The following AFG2A variants were observed in gnomAD, a reference collection of about 807,000 sequenced individuals.
AFG2A encodes the protein ATPase family gene 2 protein homolog A.
the AFG2A span, among the ~76,000 whole-genome samples, chr4:123,010,478 G>A: frequency 6.6e-6 from 1 of 152,090 alleles, no homozygotes; most frequent in Non-Finnish European, 1.5e-5. Context: ...CTTAGAGCCA[G>A]GCCAAGCATT....
the AFG2A span, among the ~76,000 whole-genome samples, chr4:123,113,327 A>T: frequency 6.6e-6 from 1 of 152,164 alleles, no homozygotes; most frequent in East Asian, 1.9e-4. Flanking sequence ...TGCTAATAGG[A>T]TAGGAGAAAA....
the AFG2A span, among the ~76,000 whole-genome samples, chr4:122,980,645 C>A: frequency 5.3e-5 from 8 of 152,192 alleles, no homozygotes; most frequent in Non-Finnish European, 8.8e-5. Context: ...TTCTCCATAT[C>A]CTTGGCAACA....
chr4:123,079,002 G>A, the AFG2A span, among the ~76,000 whole-genome samples: 1 of 152,134 alleles, frequency 6.6e-6, no homozygotes, highest in Non-Finnish European at 1.5e-5. Context: ...CATTGTTTGA[G>A]AAGTTATGTT....
the AFG2A span, among the ~76,000 whole-genome samples, chr4:123,113,665 C>T: frequency 2.0e-5 from 3 of 152,178 alleles, no homozygotes; most frequent in African/African-American, 7.2e-5. Context: ...AGCCCTTCCC[C>T]AAGGTTGGGC....
chr4:123,284,731 A>G, the AFG2A span, among the ~76,000 whole-genome samples: 151 of 152,200 alleles, frequency 9.9e-4, no homozygotes, highest in Non-Finnish European at 1.9e-3. Flanking sequence ...TATAGTTGCA[A>G]TTGTTGGGGG....
At chr4:123,082,040 CAT>C in the AFG2A span, among the ~76,000 whole-genome samples, 293 of 152,294 alleles carry the variant, frequency 1.9e-3, no homozygotes, top group African/African-American at 6.6e-3. Flanking sequence ...GTCTTTATCA[CAT>C]GTGTCTTTCG....
At chr4:123,163,771 C>A in the AFG2A span, among the ~76,000 whole-genome samples, 3 of 152,174 alleles carry the variant, frequency 2.0e-5, no homozygotes, top group East Asian at 3.9e-4. Flanking sequence ...TGAAAGGAAA[C>A]TTCTGAGTTT....
At chr4:123,255,961 G>A in the AFG2A span, 2 of 1,598,338 alleles carry the variant, frequency 1.3e-6, no homozygotes, top group South Asian at 1.1e-5. Context: ...GTATCTTTGA[G>A]ATGGAATGTC....
At chr4:123,236,405 G>A in the AFG2A span, among the ~76,000 whole-genome samples, 7 of 152,020 alleles carry the variant, frequency 4.6e-5, no homozygotes, top group Non-Finnish European at 8.8e-5. Flanking sequence ...GTTTTTTAAC[G>A]CTTGAAATAG....
chr4:123,037,160 G>GA, the AFG2A span, among the ~76,000 whole-genome samples: 50 of 152,048 alleles, frequency 3.3e-4, no homozygotes, highest in East Asian at 9.5e-3. Context: ...TGGGAGGACT[G>GA]AAAAAAACCC....
the AFG2A span, among the ~76,000 whole-genome samples, chr4:123,051,553 A>G: frequency 6.6e-6 from 1 of 151,850 alleles, no homozygotes; most frequent in Admixed American, 6.6e-5. Context: ...TAGTATAACA[A>G]TAACGTTAAT....
the AFG2A span, among the ~76,000 whole-genome samples, chr4:123,307,755 A>G: frequency 6.6e-6 from 1 of 152,236 alleles, no homozygotes; most frequent in Non-Finnish European, 1.5e-5. Context: ...TGGTCCCATA[A>G]GATTACAATA....
the AFG2A span, among the ~76,000 whole-genome samples, chr4:123,045,470 C>T: frequency 3.3e-5 from 5 of 152,126 alleles, no homozygotes; most frequent in East Asian, 3.9e-4. Context: ...TTGTCACATC[C>T]GTGAAGATTT....
the AFG2A span, among the ~76,000 whole-genome samples, chr4:123,219,502 G>A: frequency 2.0e-5 from 3 of 152,094 alleles, no homozygotes; most frequent in South Asian, 2.1e-4. Context: ...TTAACTAACC[G>A]TCACAACCGC....
the AFG2A span, among the ~76,000 whole-genome samples, chr4:123,203,543 G>A: frequency 5.3e-5 from 8 of 152,286 alleles, no homozygotes; most frequent in African/African-American, 1.7e-4. Flanking sequence ...CTCCTAAAGT[G>A]CTGGGATTAT....
chr4:123,253,500 A>T, the AFG2A span, among the ~76,000 whole-genome samples: 14 of 146,160 alleles, frequency 9.6e-5, no homozygotes, highest in Admixed American at 6.7e-5. Flanking sequence ...AAAAAAAAAA[A>T]ATAGCTGGGC....
the AFG2A span, among the ~76,000 whole-genome samples, chr4:122,987,204 G>A: frequency 8.6e-5 from 13 of 151,962 alleles, no homozygotes; most frequent in Non-Finnish European, 1.5e-4. Flanking sequence ...TATGCAAATA[G>A]CAATCAAAAT....
chr4:123,114,790 ATCTC>A, the AFG2A span, among the ~76,000 whole-genome samples: 1 of 152,202 alleles, frequency 6.6e-6, no homozygotes, highest in Non-Finnish European at 1.5e-5. Context: ...CCTTCTCTGC[ATCTC>A]CCACAGTGGT....
chr4:123,114,653 C>A, the AFG2A span, among the ~76,000 whole-genome samples: 1 of 152,236 alleles, frequency 6.6e-6, no homozygotes, highest in Non-Finnish European at 1.5e-5. Flanking sequence ...CACCAGGAGA[C>A]CCAGGCCCAC....
Sources: gnomAD v4.1 joint callset for allele counts (sites outside exome capture counted in the v4.1 genomes callset) on GRCh38, gnomAD v4.1.1 for gene constraint, MANE v1.5 for transcripts, NCBI Gene and HGNC (gene_info 2026-07-23, HGNC 2026-07-21) for gene names.